PRR35: variants seen among roughly 807,000 people sequenced by gnomAD.
PRR35 encodes the protein proline rich 35.
A neutral mutation model predicts 18.6 loss-of-function variants in PRR35; 14 were observed. That is an observed-to-expected ratio of 0.75 (90% CI 0.50 to 1.18). The LOEUF (loss-of-function observed/expected upper bound fraction) is 1.18, where lower values mean the gene tolerates loss of function less well. PRR35 is among the 50% of genes most tolerant of loss of function. The pLI, the probability that PRR35 is intolerant of heterozygous loss-of-function variation, is 0.00. For synonymous variants in PRR35, 425 were observed against 378.2 expected, an observed-to-expected ratio of 1.12 and a Z score of -1.43; for missense variants, 832 against 792.2, an observed-to-expected ratio of 1.05 and a Z score of -0.60.
Position 563,438 on chromosome 16 carries a change from G to A in PRR35, c.144G>A (p.Glu48=). ...TCCAGTGCCCCTTCACCTGCCTGGA[G>A]AAGTCACACCTCTACAACCACATGA... ...KCFQCPFTCL[E]KSHLYNHMKY... The change falls in exon 2 of 3, where the codon GAG becomes GAA. Residue 48 remains glutamate (E), a synonymous_variant. Coordinates refer to ENST00000409413, the MANE Select transcript of PRR35 (RefSeq NM_145270.3). 6.2e-7 allele frequency: 1 copy of A among 1,612,624 alleles called. No homozygotes were observed. The highest frequency in any genetic ancestry group is 8.5e-7 in the Non-Finnish European group (1 of 1,179,686).
chr16:561,797 T>C, intron 1 of PRR35: 1 of 985,342 alleles, frequency 1.0e-6, no homozygotes, highest in Non-Finnish European at 1.2e-6. Context: ...CCCAGCCAGG[T>C]CTGCGTGTGT....
rs1244228090 is a variant in PRR35 at position 565,398 on chromosome 16, C to CAGG, written c.*91_*92insAGG. 2 of 1,319,344 alleles carry CAGG rather than the reference C, an allele frequency of 1.5e-6. No homozygotes were observed. Among genetic ancestry groups the CAGG allele is most frequent in the African/African-American group, 3.0e-5 (2 of 66,084 alleles). 81.7% of individuals were successfully genotyped at this position (1,319,344 alleles called of 1,614,324 possible). A position where few individuals can be genotyped will look rare whatever the true frequency, so the allele number is the denominator to read the frequency against. On this transcript the variant is annotated 3_prime_UTR_variant, in exon 3 of 3. Transcript: ENST00000409413. ...CCCCTCACCTGCCTGGGACCTGCCCCGCCTCCGCATGCATGTGGATAGACC... is the reference window on the plus strand; with the variant it reads ...CCCCTCACCTGCCTGGGACCTGCCCCAGGGCCTCCGCATGCATGTGGATAGACC...
chr16:560,939 G>T (rs1056629910), intron 1 of PRR35, among the ~76,000 whole-genome samples: 2 of 151,886 alleles, frequency 1.3e-5, no homozygotes, highest in East Asian at 1.9e-4. Flanking sequence ...GTTCCCGGGG[G>T]GGGGGGCAGC....
Position 565,146 on chromosome 16 carries a change from T to C in PRR35, c.1555T>C (p.Cys519Arg), listed in dbSNP as rs778655526. 4 of 1,609,632 alleles carry C rather than the reference T, an allele frequency of 2.5e-6. No homozygotes were observed. Among genetic ancestry groups the C allele is most frequent in the Non-Finnish European group, 1.7e-6 (2 of 1,178,548 alleles). The change falls in exon 3 of 3, where the codon TGT (cysteine) becomes CGT (arginine). Residue 519 changes from cysteine to arginine, a missense_variant. Cys to Arg is a radical substitution (Grantham distance 180). Around this residue, in one of 3 missense-constraint regions of PRR35, gnomAD observed 768 missense variants for 704.1 expected, o/e 1.09. Coordinates refer to ENST00000409413, the MANE Select transcript of PRR35 (RefSeq NM_145270.3). ...PQPFSGHTTK[C>R]EADSSVPPPG... ...ACCCTTCTCTGGCCACACCACCAAG[T>C]GTGAGGCCGACTCCAGCGTCCCACC...
intron 1 of PRR35, among the ~76,000 whole-genome samples, chr16:561,254 A>C (rs2035429139): frequency 6.6e-6 from 1 of 152,178 alleles, no homozygotes; most frequent in East Asian, 1.9e-4. Flanking sequence ...CCGGGTCCCC[A>C]AGGGGTCAGC....
chr16:562,574 C>T (rs1377022795), intron 1 of PRR35, among the ~76,000 whole-genome samples: 5 of 143,810 alleles, frequency 3.5e-5, no homozygotes, highest in African/African-American at 1.0e-4. Flanking sequence ...CGTGCATGCA[C>T]ACGCACACAT....
chr16:564,849 C>G lies in PRR35; in HGVS notation c.1258C>G (p.Gln420Glu), dbSNP rs1323496739. ...RALGDYARVE[Q>E]RLGQLGPAGG... ...CCTCGGTGACTACGCCAGGGTGGAG[C>G]AGCGCCTGGGACAGTTGGGGCCCGC... Residue 420 changes from glutamine to glutamate, a missense_variant, in exon 3 of 3, where the codon CAG (glutamine) becomes GAG (glutamate). Coordinates refer to ENST00000409413, the MANE Select transcript of PRR35 (RefSeq NM_145270.3). 1.9e-6 allele frequency: 3 copies of G among 1,560,258 alleles called. No homozygotes were observed. In the South Asian group the frequency reaches 3.6e-5, roughly 18 times the overall value.
At position 564,210 on chromosome 16, in the gene PRR35, G is replaced by A; in HGVS notation, c.916G>A (p.Val306Ile). Residue 306 changes from valine (V) to isoleucine (I), a missense_variant, in exon 2 of 3, where the codon GTT becomes ATT. This residue lies in a region of PRR35 where 768 missense variants were observed against 704.1 expected (regional missense o/e 1.09). Transcript: ENST00000409413. ...TPAPGLLKVP[V>I]PGLGPWPRVT... ...GGCTCCTGGCCTGCTGAAGGTGCCA[G>A]TTCCAGGGCTGGGGCCCTGGCCCCG... The A allele has an allele frequency of 6.4e-7, 1 of 1,569,834 alleles. No homozygotes were observed. The highest frequency in any genetic ancestry group is 1.2e-5 in the South Asian group (1 of 86,634).
rs142577477 is a variant in PRR35 at position 564,624 on chromosome 16, G to A, written c.1083-50G>A. The A allele has an allele frequency of 6.2e-3, 9,164 of 1,468,534 alleles. 476 individuals are homozygous for A. The African/African-American group carries it at 0.11, about 18-fold the overall frequency. 91.0% of individuals were successfully genotyped at this position (1,468,534 alleles called of 1,614,324 possible). On this transcript the variant is annotated intron_variant, in intron 2 of 2. Transcript: ENST00000409413. ...CCGTGAGGGGAGAGGGGCAGGGGCC[G>A]GGGGCGCTGTGGGGGCAGTGCGGCC...
chr16:561,008 G>T (rs921796693), intron 1 of PRR35, among the ~76,000 whole-genome samples: 1 of 140,854 alleles, frequency 7.1e-6, no homozygotes, highest in Non-Finnish European at 1.5e-5. Flanking sequence ...CCTGCCCTGT[G>T]GGGGTGCCTG....
chr16:560,934 C>CGGGGG (rs59225364), intron 1 of PRR35, among the ~76,000 whole-genome samples: 2 of 131,052 alleles, frequency 1.5e-5, no homozygotes, highest in African/African-American at 5.8e-5. Context: ...CCTGCGTTCC[C>CGGGGG]GGGGGGGGGG....
chr16:564,740 C>T lies in PRR35; in HGVS notation c.1149C>T (p.Pro383=), dbSNP rs748591292. The T allele has an allele frequency of 1.8e-4, 274 of 1,535,066 alleles. No homozygotes were observed. The highest frequency in any genetic ancestry group is 2.0e-4 in the Non-Finnish European group (233 of 1,146,890). The change falls in exon 3 of 3, where the codon CCC becomes CCT. Residue 383 remains proline, a synonymous_variant. Transcript: ENST00000409413. ...GGGATCCAGGCGGCCCTGAGACCCC[C>T]GGCCCTGAGGGCCCCCTCCCCCTGC... ...EDGDPGGPET[P]GPEGPLPLQP...
At chr16:563,165 T>C (rs1277822546) in intron 1 of PRR35, 91 bp from the exon 2 acceptor site, 39 of 1,282,332 alleles carry the variant, frequency 3.0e-5, no homozygotes, top group Non-Finnish European at 3.7e-5. Flanking sequence ...GCACCCAGGC[T>C]CCAGTCCCTG....
rs770059762 is a variant in PRR35, at chr16:563,809, G to T, written c.515G>T (p.Gly172Val). 18 of 1,502,086 alleles carry T rather than the reference G, an allele frequency of 1.2e-5. No individual in the cohort carries two copies. The highest frequency in any genetic ancestry group is 1.6e-5 in the Non-Finnish European group (18 of 1,123,546). 93.0% of individuals were successfully genotyped at this position (1,502,086 alleles called of 1,614,324 possible). The stretch of plus-strand genomic sequence containing the variant: ...CCGGGGATGGGAGGGGACCCAAGGG[G>T]CGTGGGTGCGGGGGACATGGCCTCA... ...WKPGMGGDPR[G>V]VGAGDMASAG... The change falls in exon 2 of 3, where the codon GGC (glycine) becomes GTC (valine). Residue 172 changes from glycine to valine, a missense_variant. Gly to Val is a moderately radical substitution (Grantham distance 109). Around this residue, in one of 3 missense-constraint regions of PRR35, gnomAD observed 768 missense variants for 704.1 expected, o/e 1.09. Coordinates refer to ENST00000409413, the MANE Select transcript of PRR35 (RefSeq NM_145270.3).
In PRR35 at chr16:564,342, TC is replaced by T. The variant is rs1253720481; in HGVS notation, c.1053del (p.Ser352AlafsTer2). 3 of 1,584,638 alleles carry T rather than the reference TC, an allele frequency of 1.9e-6. No individual in the cohort carries two copies. On this transcript the variant is annotated frameshift_variant, in exon 2 of 3. Coordinates refer to ENST00000409413, the MANE Select transcript of PRR35 (RefSeq NM_145270.3). LOFTEE classifies it low-confidence loss of function (END_TRUNC). ...LGSRLELPKA[S>X]PSLTRFCSRS... Reference sequence around the variant, plus strand: ...AAGCAGGCTGGAGCTTCCGAAGGCATCCCCCAGCCTGACAAGGTTCTGTTCC... The same window carrying T: ...AAGCAGGCTGGAGCTTCCGAAGGCATCCCCAGCCTGACAAGGTTCTGTTCC...
upstream of PRR35, chr16:559,820 C>A: frequency 1.1e-6 from 1 of 919,074 alleles, no homozygotes; most frequent in Non-Finnish European, 1.3e-6. Context: ...GGGCAGCCTC[C>A]GGTTTAGAGG....
rs974971730 is a variant in PRR35 at position 560,979 on chromosome 16, C to T, written c.-40+318C>T. Among the ~76,000 whole-genome samples, 8 of 151,778 alleles carry T rather than the reference C, an allele frequency of 5.3e-5. No homozygotes were observed. The South Asian group carries it at 8.3e-4, about 16-fold the overall frequency. On this transcript the variant is annotated intron_variant, in intron 1 of 2. Transcript: ENST00000409413. ...TCTGCGGGTGGCCGATCAGGGTCCC[C>T]GGCTGCTGGGTGCCCCCTCCTGCCC...
rs1412525174 is a variant in PRR35, at chr16:563,939, C to T, written c.645C>T (p.Leu215=). Residue 215 remains leucine (L), a synonymous_variant, in exon 2 of 3, where the codon CTC becomes CTT. Coordinates refer to ENST00000409413, the MANE Select transcript of PRR35 (RefSeq NM_145270.3). ...CTCTGCTGGGCGTCAACTACCCGCT[C>T]AGCCCCGGCCTCTTCTCCTACTTGG... ...HLSLLGVNYP[L]SPGLFSYLGP... 2 of 1,595,466 alleles carry T rather than the reference C, an allele frequency of 1.3e-6. No individual in the cohort carries two copies. The highest frequency in any genetic ancestry group is 4.6e-5 in the East Asian group (2 of 43,784).
chr16:562,274 G>T (rs566797064), intron 1 of PRR35, among the ~76,000 whole-genome samples: 1 of 152,212 alleles, frequency 6.6e-6, no homozygotes, highest in Non-Finnish European at 1.5e-5. Flanking sequence ...GCTGGGCTGA[G>T]CAGGTGGCTG....
Sources: gnomAD v4.1 joint callset for allele counts (sites outside exome capture counted in the v4.1 genomes callset) on GRCh38, gnomAD v4.1.1 for gene constraint, gnomAD v4.1.1 regional missense constraint, MANE v1.5 for transcripts, NCBI Gene and HGNC (gene_info 2026-07-23, HGNC 2026-07-21) for gene names.